CSMD1: variants seen among roughly 807,000 people sequenced by gnomAD.
The protein encoded by CSMD1 is CUB and Sushi multiple domains 1.
Under a neutral mutation model 417.5 loss-of-function variants are expected in CSMD1, and 213 were observed. That is an observed-to-expected ratio of 0.51 (90% CI 0.46 to 0.57). The LOEUF is 0.57. Ranked by LOEUF, CSMD1 falls within the 20% of genes least tolerant of loss-of-function variation. The pLI, the probability that CSMD1 is intolerant of heterozygous loss-of-function variation, is 0.00. For synonymous variants in CSMD1, 2,862 were observed against 1,736.8 expected (o/e 1.65, Z -16.11); for missense variants, 6,923 against 4,529.7 (o/e 1.53, Z -15.17).
chr8:4,991,213 A>C (rs1811446717), intron 1 of CSMD1, among the ~76,000 whole-genome samples: 1 of 152,220 alleles, frequency 6.6e-6, no homozygotes. Flanking sequence ...ATTCCTGTTT[A>C]CCAGATGAAA....
intron 10 of CSMD1, among the ~76,000 whole-genome samples, chr8:3,501,521 A>G (rs1796600118): frequency 6.6e-6 from 1 of 152,218 alleles, no homozygotes; most frequent in South Asian, 2.1e-4. Context: ...TTGGAATAAG[A>G]TAATTTATAA....
chr8:4,355,858 G>A (rs950479521), intron 3 of CSMD1, among the ~76,000 whole-genome samples: 2 of 152,228 alleles, frequency 1.3e-5, no homozygotes, highest in Non-Finnish European at 2.9e-5. Flanking sequence ...GAGCTTTGGA[G>A]GATGGGAACC....
In CSMD1 at chr8:4,564,479, A is replaced by G. The variant is rs1056649596; in HGVS notation, c.302+72863T>C. On this transcript the variant is annotated intron_variant, in intron 2 of 69. Coordinates refer to ENST00000635120, the MANE Select transcript of CSMD1 (RefSeq NM_033225.6). ...TGAGGGGCCTGATCCTGGTTCAGGG[A>G]CACACATTCATTCCATGACATACTT... 4.6e-5 allele frequency among the ~76,000 whole-genome samples: 7 copies of G among 152,310 alleles called. 1 individual carries two copies. Among genetic ancestry groups the G allele is most frequent in the African/African-American group, 1.7e-4 (7 of 41,574 alleles).
chr8:4,023,069 T>A (rs7825307), intron 4 of CSMD1, among the ~76,000 whole-genome samples: 24,544 of 152,148 alleles, frequency 0.16, 2,599 homozygotes, highest in African/African-American at 0.29. Context: ...CTCTTTGCAG[T>A]GAAATATGGC....
intron 12 of CSMD1, among the ~76,000 whole-genome samples, chr8:3,428,214 A>G (rs1208125823): frequency 6.6e-6 from 1 of 150,952 alleles, no homozygotes; most frequent in Admixed American, 6.6e-5. Context: ...CGTAGAATGA[A>G]TTTCCTTGAC....
chr8:4,093,973 G>C (rs1482249626), intron 3 of CSMD1, among the ~76,000 whole-genome samples: 5 of 145,852 alleles, frequency 3.4e-5, no homozygotes, highest in East Asian at 2.2e-4. Context: ...CAAATAGATA[G>C]ATAGATAGAT....
intron 21 of CSMD1, among the ~76,000 whole-genome samples, chr8:3,349,895 A>T (rs1808287238): frequency 1.1e-5 from 1 of 92,618 alleles, no homozygotes; most frequent in Non-Finnish European, 2.2e-5. Context: ...ATATATTTAT[A>T]ATATATATTT....
chr8:4,048,090 G>A (rs921404896), intron 3 of CSMD1, among the ~76,000 whole-genome samples: 1 of 152,120 alleles, frequency 6.6e-6, no homozygotes, highest in Non-Finnish European at 1.5e-5. Flanking sequence ...TAATTGATAA[G>A]TATCTCAGGG....
At chr8:4,373,407 A>ATATTCTGGTGGC (rs1802519365) in intron 3 of CSMD1, among the ~76,000 whole-genome samples, 2 of 152,226 alleles carry the variant, frequency 1.3e-5, no homozygotes, top group African/African-American at 2.4e-5. Flanking sequence ...ATAAAATGTT[A>ATATTCTGGTGGC]ACAACAGAGG....
At chr8:4,322,773 T>A (rs1336184420) in intron 3 of CSMD1, among the ~76,000 whole-genome samples, 1 of 152,166 alleles carries the variant, frequency 6.6e-6, no homozygotes, top group Non-Finnish European at 1.5e-5. Flanking sequence ...GGTAGGCGGA[T>A]CACTTGACTT....
intron 12 of CSMD1, among the ~76,000 whole-genome samples, chr8:3,461,969 G>T (rs12171641): frequency 6.6e-6 from 1 of 152,050 alleles, no homozygotes; most frequent in Non-Finnish European, 1.5e-5. Context: ...GGAGGGTGGC[G>T]GTGAGGTGAG....
In CSMD1 at chr8:2,998,015, A is replaced by T. The variant is rs1807065899; in HGVS notation, c.8373T>A (p.Cys2791Ter). ...NGQWSSPLPT[C>*]RVVNCSDPGF... is the part of the protein sequence containing the mutation. ...ATTCCTGGATGCTGTTCCTACCTCG[A>T]CACGTGGGCAGAGGGCTACTCCACT... is the stretch of plus-strand genomic sequence containing the variant. The change falls in exon 54 of 70, where the codon TGT becomes TGA. Residue 2791 changes from cysteine to a stop codon, truncating the protein, a stop_gained. Transcript: ENST00000635120. LOFTEE classifies it high-confidence loss of function. 6.2e-7 allele frequency: 1 copy of T among 1,613,482 alleles called. No individual in the cohort carries two copies. Among genetic ancestry groups the T allele is most frequent in the Non-Finnish European group, 8.5e-7 (1 of 1,179,626 alleles).
At chr8:4,779,276 G>T (rs991385781) in intron 1 of CSMD1, among the ~76,000 whole-genome samples, 3 of 151,974 alleles carry the variant, frequency 2.0e-5, no homozygotes, top group African/African-American at 7.3e-5. Flanking sequence ...TCCCTTCCAT[G>T]TATAGGGGTT....
At chr8:4,591,002 C>T (rs141872423) in intron 2 of CSMD1, among the ~76,000 whole-genome samples, 1,733 of 152,296 alleles carry the variant, frequency 0.011, 19 homozygotes, top group Middle Eastern at 0.02. Context: ...CACCTGTGGC[C>T]TGCCTTCTTC....
In CSMD1 at chr8:3,560,368, A is replaced by G. The variant is rs570936452; in HGVS notation, c.1344+14577T>C. On this transcript the variant is annotated intron_variant, in intron 10 of 69. Transcript: ENST00000635120. ...TATCATCACCACAGTTATATGGCAT[A>G]TGAGGACATTGAGAGTCAAGAATTT... Among the ~76,000 whole-genome samples, 13 of 152,284 alleles carry G rather than the reference A, an allele frequency of 8.5e-5. No homozygotes were observed. In the East Asian group the frequency reaches 2.5e-3, roughly 29 times the overall value.
intron 12 of CSMD1, among the ~76,000 whole-genome samples, chr8:3,443,523 G>T (rs1306146950): frequency 6.6e-6 from 1 of 152,272 alleles, no homozygotes; most frequent in East Asian, 1.9e-4. Flanking sequence ...AAGCAAGAAT[G>T]AACCAGAACA....
intron 3 of CSMD1, among the ~76,000 whole-genome samples, chr8:4,265,055 G>C (rs979708386): frequency 6.6e-6 from 1 of 152,100 alleles, no homozygotes; most frequent in South Asian, 2.1e-4. Context: ...GATTTGCCTT[G>C]ATACAAAGGC....
At chr8:4,103,757 T>G (rs17404489) in intron 3 of CSMD1, among the ~76,000 whole-genome samples, 38,736 of 152,028 alleles carry the variant, frequency 0.25, 6,104 homozygotes, top group Non-Finnish European at 0.34. Flanking sequence ...AGCTGAAACT[T>G]CTTATATTAC....
At chr8:4,312,390 T>C (rs1563435094) in intron 3 of CSMD1, among the ~76,000 whole-genome samples, 2 of 64,446 alleles carry the variant, frequency 3.1e-5, no homozygotes, top group African/African-American at 6.3e-5. Flanking sequence ...TATATATATA[T>C]ATACATACAT....
Sources: gnomAD v4.1 joint callset for allele counts (sites outside exome capture counted in the v4.1 genomes callset) on GRCh38, gnomAD v4.1.1 for gene constraint, MANE v1.5 for transcripts, NCBI Gene and HGNC (gene_info 2026-07-23, HGNC 2026-07-21) for gene names.